Variants in PCSK1 observed in about 807,000 individuals in gnomAD.
The protein encoded by PCSK1 is neuroendocrine convertase 1.
PCSK1 carries 56 observed loss-of-function variants against 90.6 expected under a neutral mutation model. The observed-to-expected ratio is 0.62, with a 90% confidence interval of 0.50 to 0.77. The LOEUF (loss-of-function observed/expected upper bound fraction) is 0.77, where lower values mean the gene tolerates loss of function less well. PCSK1 is among the 30% of genes least tolerant of loss of function. PCSK1 has a pLI of 0.00. For missense variants in PCSK1, 801 were observed against 932.6 expected (o/e 0.86, Z 1.84); for synonymous variants, 348 against 342.4 (o/e 1.02, Z -0.18).
chr5:96,429,106 C>T, intron 2 of PCSK1, 107 bp downstream of exon 2: 1 of 686,066 alleles, frequency 1.5e-6, no homozygotes, highest in South Asian at 1.7e-5. Flanking sequence ...ATCTTGGTCA[C>T]AATAAAAAAA....
intron 5 of PCSK1, among the ~76,000 whole-genome samples, chr5:96,417,593 C>T (rs990779139): frequency 6.6e-6 from 1 of 151,992 alleles, no homozygotes; most frequent in Non-Finnish European, 1.5e-5. Flanking sequence ...TGAAGCCAAG[C>T]AGAGGCGAGC....
chr5:96,411,028 T>C (rs765816335), intron 7 of PCSK1, 42 bp from the exon 8 acceptor site: 10 of 1,379,288 alleles, frequency 7.3e-6, no homozygotes, highest in Admixed American at 5.0e-5. Flanking sequence ...TTATCATCTA[T>C]TGGGGTCATT....
At chr5:96,410,313 T>C (rs1760712991) in intron 8 of PCSK1, among the ~76,000 whole-genome samples, 1 of 152,132 alleles carries the variant, frequency 6.6e-6, no homozygotes, top group African/African-American at 2.4e-5. Flanking sequence ...TTCCTGCAGG[T>C]CATCCATTCT....
At chr5:96,397,565 G>T in intron 11 of PCSK1, 96 bp from the exon 12 acceptor site, 2 of 1,155,884 alleles carry the variant, frequency 1.7e-6, no homozygotes, top group Admixed American at 1.8e-5. Flanking sequence ...TGAAAAAGAT[G>T]AGTTCTCCTA....
intron 9 of PCSK1, among the ~76,000 whole-genome samples, chr5:96,403,829 T>A (rs1245992716): frequency 6.6e-6 from 1 of 152,224 alleles, no homozygotes; most frequent in East Asian, 1.9e-4. Context: ...AAGTCAAGAC[T>A]TTTTTGTTGT....
At chr5:96,399,574 GGGTAAAACT>G (rs1221203260) in intron 10 of PCSK1, among the ~76,000 whole-genome samples, 84 of 152,144 alleles carry the variant, frequency 5.5e-4, no homozygotes, top group Non-Finnish European at 3.1e-4. Context: ...AGCAGATTTT[GGGTAAAACT>G]GGTTGGCAAG....
At position 96,410,997 on chromosome 5, in the gene PCSK1, A is replaced by C; in HGVS notation, c.883-11T>G. The stretch of plus-strand genomic sequence containing the variant: ...CTTCCCCTGTCTCCCCTAAAGGAAA[A>C]GCCAGAATGCATATTATCTGTTATC... On this transcript the variant is annotated splice_polypyrimidine_tract_variant and intron_variant, in intron 7 of 13. Transcript: ENST00000311106. 4 of 1,588,220 alleles carry C rather than the reference A, an allele frequency of 2.5e-6. No homozygotes were observed. Among genetic ancestry groups the C allele is most frequent in the Non-Finnish European group, 3.5e-6 (4 of 1,157,392 alleles).
At chr5:96,416,211 A>G in intron 5 of PCSK1, 90 bp from the exon 6 acceptor site, 1 of 894,474 alleles carries the variant, frequency 1.1e-6, no homozygotes, top group Admixed American at 1.8e-5. Flanking sequence ...TAGGTATATT[A>G]ACTTTTTGTC....
intron 6 of PCSK1, among the ~76,000 whole-genome samples, chr5:96,414,639 T>C (rs545183117): frequency 6.6e-5 from 10 of 152,358 alleles, no homozygotes; most frequent in African/African-American, 2.4e-4. Context: ...GTGTTTCAGT[T>C]CTACACTGCC....
chr5:96,432,830 C>T, intron 1 of PCSK1, 33 bp downstream of exon 1: 1 of 1,601,832 alleles, frequency 6.2e-7, no homozygotes, highest in Non-Finnish European at 8.5e-7. Context: ...CCCCTGGGGC[C>T]CCAGAAAGTT....
At chr5:96,412,295 T>G in intron 7 of PCSK1, 23 bp downstream of exon 7, 1 of 1,603,628 alleles carries the variant, frequency 6.2e-7, no homozygotes, top group Non-Finnish European at 8.5e-7. Context: ...TCATTTCATG[T>G]GGGTCTGTGT....
At position 96,423,345 on chromosome 5, in the gene PCSK1, C is replaced by G; in HGVS notation, c.511G>C (p.Glu171Gln). The part of the protein sequence containing the change: ...VVITVLDDGL[E>Q]WNHTDIYANY... ...GCATAAATGTCCGTGTGATTCCACT[C>G]CAAACCATCATCCAGTACGGTGATA... Residue 171 changes from glutamate (E) to glutamine (Q), a missense_variant, in exon 4 of 14, where the codon GAG becomes CAG. Physicochemically the swap from Glu to Gln is conservative, Grantham distance 29. Transcript: ENST00000311106. 6.2e-7 allele frequency: 1 copy of G among 1,612,864 alleles called. No individual in the cohort carries two copies. The highest frequency in any genetic ancestry group is 8.5e-7 in the Non-Finnish European group (1 of 1,179,372).
At chr5:96,427,272 A>G (rs1000837222) in intron 2 of PCSK1, among the ~76,000 whole-genome samples, 2 of 152,240 alleles carry the variant, frequency 1.3e-5, no homozygotes, top group African/African-American at 4.8e-5. Context: ...TAAACATCCA[A>G]TTGTAGAAAA....
chr5:96,398,425 C>G (rs562572248), intron 11 of PCSK1, among the ~76,000 whole-genome samples: 1 of 152,186 alleles, frequency 6.6e-6, no homozygotes, highest in Non-Finnish European at 1.5e-5. Flanking sequence ...TATAAAATGG[C>G]CTTATTCATG....
chr5:96,429,370 T>C, intron 1 of PCSK1, 53 bp from the exon 2 acceptor site: 1 of 984,288 alleles, frequency 1.0e-6, no homozygotes, highest in East Asian at 2.4e-5. Flanking sequence ...CAAGTATATA[T>C]GGACTAGTTT....
At chr5:96,422,003 A>T (rs77620477) in intron 4 of PCSK1, 47 bp from the exon 5 acceptor site, 2 of 782,570 alleles carry the variant, frequency 2.6e-6, no homozygotes, top group Admixed American at 2.1e-5. Flanking sequence ...TAAAAAAAAA[A>T]AAAAAAAAAA....
At chr5:96,421,830 A>T in intron 5 of PCSK1, 50 bp downstream of exon 5, 1 of 1,000,892 alleles carries the variant, frequency 1.0e-6, no homozygotes, top group Non-Finnish European at 1.6e-6. Flanking sequence ...CTCAAACAAG[A>T]TAAAAGCATT....
intron 5 of PCSK1, 100 bp from the exon 6 acceptor site, chr5:96,416,221 C>G: frequency 1.2e-6 from 1 of 822,370 alleles, no homozygotes. Flanking sequence ...AACTTTTTGT[C>G]GGCCTTGTTA....
rs2112422068 is a variant in PCSK1 at position 96,412,267 on chromosome 5, T to C, written c.882+51A>G. 6 of 1,426,026 alleles carry C rather than the reference T, an allele frequency of 4.2e-6. No homozygotes were observed. In the South Asian group the frequency reaches 4.6e-5, roughly 11 times the overall value. The allele number at this position is 1,426,026 out of a possible 1,614,324, so 88.3% of individuals were successfully genotyped here. On this transcript the variant is annotated intron_variant, in intron 7 of 13. Transcript: ENST00000311106. The stretch of plus-strand genomic sequence containing the variant: ...CCTAAGTGTTCTTTCCTTCTCCTCA[T>C]ATCCAGATGGTCAGGTTTCATTTCA...
Sources: gnomAD v4.1 joint callset for allele counts (sites outside exome capture counted in the v4.1 genomes callset) on GRCh38, gnomAD v4.1.1 for gene constraint, MANE v1.5 for transcripts, NCBI Gene and HGNC (gene_info 2026-07-23, HGNC 2026-07-21) for gene names.